The following RAPGEF2 variants were observed in gnomAD, a reference collection of about 807,000 sequenced individuals.
RAPGEF2 encodes the protein PDZ domain containing guanine nucleotide exchange factor (GEF) 1.
In RAPGEF2, 54 loss-of-function variants were observed where a neutral mutation model predicts 186.7. The observed-to-expected ratio is 0.29, with a 90% CI of 0.23 to 0.36. The LOEUF (loss-of-function observed/expected upper bound fraction) is 0.36. RAPGEF2 is among the 10% of genes least tolerant of loss of function. RAPGEF2 has a pLI of 1.00. For synonymous variants in RAPGEF2, 712 were observed against 705.9 expected (o/e 1.01, Z -0.14); for missense variants, 1,532 against 2,045.0 (o/e 0.75, Z 4.84).
intron 1 of RAPGEF2, among the ~76,000 whole-genome samples, chr4:159,171,990 A>G (rs567376644): frequency 2.0e-5 from 3 of 152,168 alleles, no homozygotes; most frequent in East Asian, 1.9e-4. Context: ...ACAGTGAACT[A>G]CTATCTAGTA....
intron 1 of RAPGEF2, among the ~76,000 whole-genome samples, chr4:159,110,398 G>A (rs1033088243): frequency 2.2e-4 from 34 of 152,080 alleles, no homozygotes; most frequent in African/African-American, 8.2e-4. Flanking sequence ...CACCAGCCTG[G>A]CCAACATAGT....
intron 9 of RAPGEF2, among the ~76,000 whole-genome samples, chr4:159,317,177 C>CAA (rs200788747): frequency 6.8e-6 from 1 of 147,000 alleles, no homozygotes; most frequent in African/African-American, 2.5e-5. Context: ...AAATTAAAGG[C>CAA]AAAAAAAAAC....
chr4:159,221,435 A>G lies in RAPGEF2; in HGVS notation c.281+10852A>G, dbSNP rs186557010. Among the ~76,000 whole-genome samples the G allele has an allele frequency of 2.2e-3, 330 of 152,240 alleles. 12 individuals carry two copies. The highest frequency in any genetic ancestry group is 0.021 in the Admixed American group (327 of 15,288). ...TTCAAGACAGATTGCTTGAAGTGTC[A>G]TTTCTATTTGTATCTCATTGTACAG... On this transcript the variant is annotated intron_variant, in intron 4 of 29. Coordinates refer to ENST00000691494, the MANE Select transcript of RAPGEF2 (RefSeq NM_001394067.2).
chr4:159,212,502 T>G (rs573237932), intron 4 of RAPGEF2, among the ~76,000 whole-genome samples: 1 of 152,344 alleles, frequency 6.6e-6, no homozygotes, highest in South Asian at 2.1e-4. Context: ...CTTATATGCT[T>G]GTATTTAAGA....
intron 1 of RAPGEF2, among the ~76,000 whole-genome samples, chr4:159,145,278 G>A (rs1223829931): frequency 2.0e-5 from 3 of 151,974 alleles, no homozygotes; most frequent in Non-Finnish European, 4.4e-5. Context: ...AGTTATATCA[G>A]TGCTTGCTGT....
intron 3 of RAPGEF2, among the ~76,000 whole-genome samples, chr4:159,204,127 T>C (rs550936844): frequency 1.3e-5 from 2 of 152,350 alleles, no homozygotes; most frequent in Admixed American, 6.5e-5. Flanking sequence ...CTACTAGGCA[T>C]GATGCGCAGT....
intron 7 of RAPGEF2, among the ~76,000 whole-genome samples, chr4:159,249,228 AT>A (rs112503514): frequency 0.055 from 7,596 of 137,084 alleles, 626 homozygotes; most frequent in African/African-American, 0.18. Context: ...TTATCATGTG[AT>A]TTTTTTTTTT....
intron 8 of RAPGEF2, among the ~76,000 whole-genome samples, chr4:159,305,764 A>G (rs1318467907): frequency 1.3e-5 from 2 of 152,032 alleles, no homozygotes; most frequent in African/African-American, 4.8e-5. Flanking sequence ...GTCCAAAAGA[A>G]TTTTCCCTAG....
At chr4:159,357,276 A>G (rs895856565) in intron 29 of RAPGEF2, among the ~76,000 whole-genome samples, 9 of 152,158 alleles carry the variant, frequency 5.9e-5, no homozygotes, top group African/African-American at 2.2e-4. Flanking sequence ...TGGAAGGATC[A>G]CTTGAGCCCA....
chr4:159,346,461 G>A (rs1730321590), intron 24 of RAPGEF2, among the ~76,000 whole-genome samples: 1 of 152,078 alleles, frequency 6.6e-6, no homozygotes, highest in Non-Finnish European at 1.5e-5. Context: ...CTTTTATCAC[G>A]TATTTGTTTC....
chr4:159,248,466 A>C (rs1032547662), intron 7 of RAPGEF2, among the ~76,000 whole-genome samples: 1 of 152,188 alleles, frequency 6.6e-6, no homozygotes, highest in African/African-American at 2.4e-5. Flanking sequence ...CGGCAGGTTT[A>C]CTAGTTCCTC....
chr4:159,134,539 T>G (rs1741478184), intron 1 of RAPGEF2, among the ~76,000 whole-genome samples: 1 of 152,216 alleles, frequency 6.6e-6, no homozygotes, highest in Non-Finnish European at 1.5e-5. Flanking sequence ...GTTTAACTTT[T>G]TGAAAAACTA....
At chr4:159,224,552 G>A (rs370098204) in intron 4 of RAPGEF2, among the ~76,000 whole-genome samples, 4 of 152,162 alleles carry the variant, frequency 2.6e-5, no homozygotes, top group African/African-American at 9.7e-5. Flanking sequence ...CTTAGGATGG[G>A]CAAAGTACTG....
rs1732130607 is a variant in RAPGEF2 at position 159,357,024 on chromosome 4, T to G, written c.4957+866T>G. On this transcript the variant is annotated intron_variant, in intron 29 of 29. Coordinates refer to ENST00000691494, the MANE Select transcript of RAPGEF2 (RefSeq NM_001394067.2). Reference sequence around the variant, plus strand: ...TGTGGAAACATTATATTTGCGCTTTTAATGAATTGGGACTCATTTGGAAAT... The same window carrying G: ...TGTGGAAACATTATATTTGCGCTTTGAATGAATTGGGACTCATTTGGAAAT... 2.0e-5 allele frequency among the ~76,000 whole-genome samples: 3 copies of G among 152,156 alleles called. No homozygotes were observed. In the South Asian group the frequency reaches 6.3e-4, roughly 32 times the overall value.
chr4:159,248,876 T>C lies in RAPGEF2; in HGVS notation c.543+5085T>C, dbSNP rs991692799. On this transcript the variant is annotated intron_variant, in intron 7 of 29. Transcript: ENST00000691494. ...CCAAGTTTCAGCTTCTGTTGAAGGA[T>C]GTCTATTTTTATATATTACATCATC... 3.3e-5 allele frequency among the ~76,000 whole-genome samples: 5 copies of C among 152,334 alleles called. No individual in the cohort carries two copies. The East Asian group carries it at 9.6e-4, about 29-fold the overall frequency.
rs1220052810 is a variant in RAPGEF2 at position 159,298,595 on chromosome 4, GA to G, written c.544-5742del. On this transcript the variant is annotated intron_variant, in intron 7 of 29. Coordinates refer to ENST00000691494, the MANE Select transcript of RAPGEF2 (RefSeq NM_001394067.2). ...GAAATGATTAATAGCAGAAAGGAAA[GA>G]AAAAGGAAGACAGTGTGGGTGTGTA... Among the ~76,000 whole-genome samples the G allele has an allele frequency of 3.3e-5, 5 of 152,314 alleles. No individual in the cohort carries two copies. In the South Asian group the frequency reaches 6.2e-4, roughly 19 times the overall value.
intron 1 of RAPGEF2, among the ~76,000 whole-genome samples, chr4:159,154,804 G>A (rs55703414): frequency 0.19 from 28,245 of 151,982 alleles, 2,647 homozygotes; most frequent in Admixed American, 0.24. Flanking sequence ...ATCCCTTCCC[G>A]TGTTACTATA....
At chr4:159,198,271 C>CTTCTTTCTTTCT (rs201152378) in intron 3 of RAPGEF2, among the ~76,000 whole-genome samples, 21 of 104,562 alleles carry the variant, frequency 2.0e-4, no homozygotes, top group African/African-American at 3.8e-4. Flanking sequence ...TCTTTCTTTC[C>CTTCTTTCTTTCT]TTCTTTCTTT....
Position 159,322,405 on chromosome 4 carries a change from G to A in RAPGEF2, c.912G>A (p.Val304=). 2 of 1,613,896 alleles carry A rather than the reference G, an allele frequency of 1.2e-6. No homozygotes were observed. Among genetic ancestry groups the A allele is most frequent in the South Asian group, 2.2e-5 (2 of 91,050 alleles). The change falls in exon 10 of 30, where the codon GTG becomes GTA. Residue 304 remains valine (V), a synonymous_variant. Coordinates refer to ENST00000691494, the MANE Select transcript of RAPGEF2 (RefSeq NM_001394067.2). ...LPAFANMTMS[V]RRELCAVMVF... ...CTTTTGCCAATATGACAATGTCAGT[G>A]AGGCGAGAACTCTGTGCTGTGATGG...
Sources: allele counts gnomAD v4.1 joint callset (sites outside exome capture counted in the v4.1 genomes callset), GRCh38; gene constraint gnomAD v4.1.1; transcripts MANE v1.5; gene names NCBI Gene and HGNC (gene_info 2026-07-23, HGNC 2026-07-21).